Variants in MR1 observed in about 807,000 individuals in gnomAD.
The protein encoded by MR1 is major histocompatibility complex class I-related protein 1.
A neutral mutation model predicts 37.8 loss-of-function variants in MR1; 44 were observed. That is an observed-to-expected ratio of 1.16 (90% CI 0.91 to 1.50). The LOEUF is 1.50. Ranked by LOEUF, MR1 falls within the 40% of genes most tolerant of loss-of-function variation. The probability of loss-of-function intolerance (pLI) is 0.00; values close to 1 mark genes in which losing one functional copy is unlikely to be tolerated. For missense variants in MR1, 386 were observed against 419.1 expected (o/e 0.92, Z 0.69); for synonymous variants, 153 against 155.8 (o/e 0.98, Z 0.13).
At chr1:181,039,386 C>T (rs889278226) in intron 1 of MR1, among the ~76,000 whole-genome samples, 1 of 152,146 alleles carries the variant, frequency 6.6e-6, no homozygotes, top group African/African-American at 2.4e-5. Context: ...CTGGAGCACT[C>T]CATTGGTACT....
intron 2 of MR1, 33 bp from the exon 3 acceptor site, chr1:181,049,978 G>A (rs751104147): frequency 1.3e-6 from 2 of 1,599,238 alleles, no homozygotes; most frequent in East Asian, 2.2e-5. Flanking sequence ...CTGTCTCTGT[G>A]TGGACCCCTC....
chr1:181,048,885 G>C (rs573069697), intron 1 of MR1, among the ~76,000 whole-genome samples, 167 bp from the exon 2 acceptor site: 1 of 152,330 alleles, frequency 6.6e-6, no homozygotes, highest in South Asian at 2.1e-4. Flanking sequence ...GTCCTGTCCA[G>C]GCCCCGGTTC....
At chr1:181,036,361 C>T (rs1657268165) in intron 1 of MR1, among the ~76,000 whole-genome samples, 1 of 152,172 alleles carries the variant, frequency 6.6e-6, no homozygotes, top group Non-Finnish European at 1.5e-5. Flanking sequence ...GGTCTCCTCA[C>T]ATGACCCATC....
At chr1:181,048,465 G>A (rs1397479001) in intron 1 of MR1, among the ~76,000 whole-genome samples, 1 of 151,782 alleles carries the variant, frequency 6.6e-6, no homozygotes, top group Admixed American at 6.6e-5. Flanking sequence ...AACCCAGGAG[G>A]CGGAGGTTGC....
Position 181,056,457 on chromosome 1 carries a change from T to C in MR1, c.*1192T>C, listed in dbSNP as rs1293409237. 6.6e-6 allele frequency: 1 copy of C among 152,076 alleles called. No individual in the cohort carries two copies. Among genetic ancestry groups the C allele is most frequent in the African/African-American group, 2.4e-5 (1 of 41,414 alleles). 9.4% of individuals were successfully genotyped at this position (152,076 alleles called of 1,614,324 possible). A position where few individuals can be genotyped will look rare whatever the true frequency, so the allele number is the denominator to read the frequency against. ...TCAATTCTCATTTCTGCCTTTCCTGTGCTGGCTCATGGTAGCTGGGCATGA... is the reference window on the plus strand; with the variant it reads ...TCAATTCTCATTTCTGCCTTTCCTGCGCTGGCTCATGGTAGCTGGGCATGA... On this transcript the variant is annotated 3_prime_UTR_variant, in exon 6 of 6. Coordinates refer to ENST00000367580, the MANE Select transcript of MR1 (RefSeq NM_001385161.1).
upstream of MR1, chr1:181,033,827 A>T (rs1657130401): frequency 3.6e-6 from 2 of 553,036 alleles, no homozygotes; most frequent in Admixed American, 7.3e-5. Flanking sequence ...ACCAGCAAAG[A>T]CTTAAAAGTT....
rs1271273728 is a variant in MR1, at chr1:181,056,503, GTCT to G, written c.*1241_*1243del. 1 of 152,076 alleles carries G rather than the reference GTCT, an allele frequency of 6.6e-6. No individual in the cohort carries two copies. The highest frequency in any genetic ancestry group is 1.5e-5 in the Non-Finnish European group (1 of 68,034). The allele number at this position is 152,076 out of a possible 1,614,324, so 9.4% of individuals were successfully genotyped here. A position where few individuals can be genotyped will look rare whatever the true frequency, so the allele number is the denominator to read the frequency against. ...CATGACTTGCCTTCCTACATAGGTT[GTCT>G]TCATACATATGCACTGGGAATCAAT... On this transcript the variant is annotated 3_prime_UTR_variant, in exon 6 of 6. Transcript: ENST00000367580.
chr1:181,038,043 T>C (rs1027857504), intron 1 of MR1, among the ~76,000 whole-genome samples: 5 of 152,228 alleles, frequency 3.3e-5, no homozygotes, highest in African/African-American at 4.8e-5. Context: ...GTATTATATA[T>C]GTATTTATTG....
intron 1 of MR1, among the ~76,000 whole-genome samples, chr1:181,046,979 C>T (rs929810923): frequency 1.3e-5 from 2 of 152,118 alleles, no homozygotes; most frequent in East Asian, 1.9e-4. Flanking sequence ...AAACTCCAGA[C>T]GCGCCACCTT....
intron 1 of MR1, among the ~76,000 whole-genome samples, chr1:181,048,079 G>C (rs899517307): frequency 3.2e-4 from 49 of 151,210 alleles, no homozygotes; most frequent in African/African-American, 1.2e-3. Flanking sequence ...TTAGCCAGGC[G>C]TGGTGACCAG....
At chr1:181,047,042 G>A (rs1328068451) in intron 1 of MR1, among the ~76,000 whole-genome samples, 1 of 152,098 alleles carries the variant, frequency 6.6e-6, no homozygotes, top group Non-Finnish European at 1.5e-5. Context: ...TGAAGTCAGT[G>A]ACACCAAGAA....
At chr1:181,049,972 C>G in intron 2 of MR1, 39 bp from the exon 3 acceptor site, 2 of 1,592,400 alleles carry the variant, frequency 1.3e-6, no homozygotes, top group East Asian at 4.5e-5. Context: ...CCACCTCTGT[C>G]TCTGTGTGGA....
At chr1:181,042,035 T>G (rs1335463442) in intron 1 of MR1, among the ~76,000 whole-genome samples, 1 of 152,108 alleles carries the variant, frequency 6.6e-6, no homozygotes, top group African/African-American at 2.4e-5. Flanking sequence ...TTTTGGGTCC[T>G]CCTTCTTTAG....
rs1658128316 is a variant in MR1 at position 181,049,137 on chromosome 1, C to T, written c.153C>T (p.Asp51=). The T allele has an allele frequency of 6.2e-7, 1 of 1,614,086 alleles. No individual in the cohort carries two copies. Among genetic ancestry groups the T allele is most frequent in the African/African-American group, 1.3e-5 (1 of 74,942 alleles). The change falls in exon 2 of 6, where the codon GAC becomes GAT. Residue 51 remains aspartate (D), a synonymous_variant. Transcript: ENST00000367580. ...VPEFISVGYV[D]SHPITTYDSV... is the part of the protein sequence containing the mutation. ...AATTTATTTCGGTTGGGTACGTGGA[C>T]TCGCACCCTATCACCACATATGACA... is the stretch of plus-strand genomic sequence containing the variant.
chr1:181,044,261 C>A (rs1657735898), intron 1 of MR1, among the ~76,000 whole-genome samples: 1 of 152,136 alleles, frequency 6.6e-6, no homozygotes, highest in Non-Finnish European at 1.5e-5. Context: ...CTGCGCCCGG[C>A]CTGATCTTTT....
At chr1:181,039,129 G>A (rs1367590098) in intron 1 of MR1, among the ~76,000 whole-genome samples, 1 of 152,142 alleles carries the variant, frequency 6.6e-6, no homozygotes, top group East Asian at 1.9e-4. Flanking sequence ...TTCTATCTGT[G>A]GGTTGGAATT....
intron 2 of MR1, chr1:181,049,779 C>T (rs1453518198): frequency 1.8e-6 from 1 of 566,004 alleles, no homozygotes; most frequent in Non-Finnish European, 3.2e-6. Context: ...GATAACTCCC[C>T]AAGGCGGGAA....
chr1:181,050,226 G>T lies in MR1; in HGVS notation c.544G>T (p.Glu182Ter), dbSNP rs1558119219. Residue 182 changes from glutamate (E) to a stop codon, truncating the protein, a stop_gained, in exon 3 of 6, where the codon GAA becomes TAA. Coordinates refer to ENST00000367580, the MANE Select transcript of MR1 (RefSeq NM_001385161.1). LOFTEE classifies it high-confidence loss of function. ...GTATCAAAAGAATTGGCTGGAAGAA[G>T]AATGTATTGCCTGGCTAAAGAGATT... The part of the protein sequence containing the change: ...LLYQKNWLEE[E>*]CIAWLKRFLE... 6.2e-7 allele frequency: 1 copy of T among 1,614,240 alleles called. No homozygotes were observed. The highest frequency in any genetic ancestry group is 1.7e-5 in the Admixed American group (1 of 60,030).
Position 181,055,536 on chromosome 1 carries a change from C to T in MR1, c.*271C>T. The T allele has an allele frequency of 4.3e-6, 2 of 466,482 alleles. No individual in the cohort carries two copies. The highest frequency in any genetic ancestry group is 3.9e-5 in the Admixed American group (1 of 25,666). The allele number at this position is 466,482 out of a possible 1,614,324, so 28.9% of individuals were successfully genotyped here. A position where few individuals can be genotyped will look rare whatever the true frequency, so the allele number is the denominator to read the frequency against. On this transcript the variant is annotated 3_prime_UTR_variant, in exon 6 of 6. Transcript: ENST00000367580. ...GCTTGTCTCATGACACAACGCTTCC[C>T]TACATTCTATTTGTCAATGATGATT...
Sources: gnomAD v4.1 joint callset for allele counts (sites outside exome capture counted in the v4.1 genomes callset) on GRCh38, gnomAD v4.1.1 for gene constraint, MANE v1.5 for transcripts, NCBI Gene and HGNC (gene_info 2026-07-23, HGNC 2026-07-21) for gene names.